Variants in ABCA13 observed in about 807,000 individuals in gnomAD.
ABCA13 encodes ATP-binding cassette sub-family A member 13.
Under a neutral mutation model 478.7 loss-of-function variants are expected in ABCA13, and 476 were observed. The ratio of observed to expected loss-of-function variants is 0.99; its 90% CI spans 0.92 to 1.07. ABCA13 has a LOEUF of 1.07. Among genes scored for constraint, ABCA13 ranks in the 50% least tolerant of loss-of-function variants. ABCA13 has a pLI of 0.00. For missense variants in ABCA13, 6,060 were observed against 5,910.6 expected (o/e 1.03, Z -0.83); for synonymous variants, 2,252 against 2,158.9 (o/e 1.04, Z -1.20).
chr7:48,220,743 A>G (rs1434175169), intron 4 of ABCA13, among the ~76,000 whole-genome samples: 2 of 152,188 alleles, frequency 1.3e-5, no homozygotes, highest in East Asian at 3.8e-4. Context: ...TTCTACTTTT[A>G]TAAAATTTGA....
At chr7:48,332,490 C>T (rs1805570023) in intron 27 of ABCA13, among the ~76,000 whole-genome samples, 1 of 152,166 alleles carries the variant, frequency 6.6e-6, no homozygotes, top group Non-Finnish European at 1.5e-5. Flanking sequence ...ATCATCTTGA[C>T]TATCAGAAGG....
At chr7:48,552,018 A>G (rs1232538547) in intron 55 of ABCA13, among the ~76,000 whole-genome samples, 1 of 151,884 alleles carries the variant, frequency 6.6e-6, no homozygotes, top group East Asian at 1.9e-4. Flanking sequence ...AACAAAACCC[A>G]TTAAACTCCT....
Position 48,291,290 on chromosome 7 carries a change from G to A in ABCA13, c.8955+3212G>A, listed in dbSNP as rs187164036. Among the ~76,000 whole-genome samples the A allele has an allele frequency of 2.8e-4, 43 of 152,298 alleles. No homozygotes were observed. In the East Asian group the frequency reaches 5.4e-3, roughly 19 times the overall value. ...TCTGTACCCTTGAGCCCTGTCACAC[G>A]TTAGAAAATGGAGACGGGCTTGAGC... On this transcript the variant is annotated intron_variant, in intron 20 of 61. Transcript: ENST00000435803.
At chr7:48,186,845 G>A (rs1796413553) in intron 1 of ABCA13, among the ~76,000 whole-genome samples, 1 of 151,932 alleles carries the variant, frequency 6.6e-6, no homozygotes, top group Admixed American at 6.6e-5. Flanking sequence ...GCATACTACT[G>A]AAAGCAGAAG....
intron 59 of ABCA13, among the ~76,000 whole-genome samples, chr7:48,641,767 G>C (rs558242487): frequency 1.3e-5 from 2 of 152,236 alleles, no homozygotes; most frequent in East Asian, 1.9e-4. Context: ...CAGTGACATG[G>C]TGCTTCACCT....
rs1312975170 is a variant in ABCA13, at chr7:48,273,106, C to T, written c.3440C>T (p.Thr1147Ile). Residue 1147 changes from threonine to isoleucine, a missense_variant, in exon 17 of 62, where the codon ACC becomes ATC. This residue lies in a region of ABCA13 where 4,423 missense variants were observed against 4,309.1 expected (regional missense o/e 1.03). Transcript: ENST00000435803. ...VFNKFMSIHCTVSWLQMWTEI... is the reference protein window; with the variant it reads ...VFNKFMSIHCIVSWLQMWTEI... ...AACAAGTTTATGTCCATTCACTGTACCGTTTCATGGCTTCAAATGTGGACT... is the reference window on the plus strand; with the variant it reads ...AACAAGTTTATGTCCATTCACTGTATCGTTTCATGGCTTCAAATGTGGACT... 6.2e-7 allele frequency: 1 copy of T among 1,613,644 alleles called. No individual in the cohort carries two copies.
At chr7:48,220,063 T>C (rs892190934) in intron 4 of ABCA13, among the ~76,000 whole-genome samples, 3 of 152,146 alleles carry the variant, frequency 2.0e-5, no homozygotes, top group African/African-American at 7.2e-5. Context: ...GGTGGATTAT[T>C]CCCTAAACAA....
At chr7:48,414,618 A>T (rs1401009190) in intron 41 of ABCA13, among the ~76,000 whole-genome samples, 1 of 150,840 alleles carries the variant, frequency 6.6e-6, no homozygotes, top group Non-Finnish European at 1.5e-5. Context: ...ATTACATGTA[A>T]TAATACATAG....
intron 55 of ABCA13, among the ~76,000 whole-genome samples, chr7:48,554,411 G>A (rs1250346535): frequency 6.6e-6 from 1 of 151,790 alleles, no homozygotes; most frequent in African/African-American, 2.4e-5. Flanking sequence ...AGATTGTTTT[G>A]GGAAATATGG....
intron 41 of ABCA13, among the ~76,000 whole-genome samples, chr7:48,425,801 C>CTCACT (rs1285548674): frequency 6.6e-6 from 1 of 151,908 alleles, no homozygotes; most frequent in Non-Finnish European, 1.5e-5. Flanking sequence ...AGTGCAGTGG[C>CTCACT]GCAATCTCGG....
chr7:48,381,632 TAA>T (rs1465642111), intron 35 of ABCA13, among the ~76,000 whole-genome samples: 1 of 152,196 alleles, frequency 6.6e-6, no homozygotes, highest in South Asian at 2.1e-4. Flanking sequence ...TTTCATTGCA[TAA>T]ACTCTTTTTA....
intron 1 of ABCA13, among the ~76,000 whole-genome samples, chr7:48,188,565 T>C (rs1337343997): frequency 6.6e-6 from 1 of 150,728 alleles, no homozygotes; most frequent in Non-Finnish European, 1.5e-5. Context: ...CTTTTTTTTC[T>C]TTTTTTTTAC....
At chr7:48,601,841 A>G (rs951846122) in intron 58 of ABCA13, among the ~76,000 whole-genome samples, 1 of 152,220 alleles carries the variant, frequency 6.6e-6, no homozygotes, top group Non-Finnish European at 1.5e-5. Flanking sequence ...TCCCACCCAC[A>G]GTGCAAAAGT....
At chr7:48,384,777 A>T (rs1814922034) in intron 35 of ABCA13, among the ~76,000 whole-genome samples, 1 of 152,172 alleles carries the variant, frequency 6.6e-6, no homozygotes, top group Non-Finnish European at 1.5e-5. Context: ...ACAATCCTGG[A>T]GGCTAAAAGT....
intron 43 of ABCA13, among the ~76,000 whole-genome samples, chr7:48,456,117 G>T (rs1825647515): frequency 6.6e-6 from 1 of 152,226 alleles, no homozygotes; most frequent in Non-Finnish European, 1.5e-5. Flanking sequence ...GGAGACAAAT[G>T]ACTGGAACTC....
At chr7:48,496,132 C>A (rs1263904042) in intron 48 of ABCA13, among the ~76,000 whole-genome samples, 1 of 152,052 alleles carries the variant, frequency 6.6e-6, no homozygotes, top group African/African-American at 2.4e-5. Context: ...GTAAGTCTGA[C>A]ATTATCATTT....
rs1000123741 is a variant in ABCA13, at chr7:48,272,992, C to T, written c.3326C>T (p.Ser1109Phe). Residue 1109 changes from serine (S) to phenylalanine (F), a missense_variant, in exon 17 of 62, where the codon TCC (serine) becomes TTC (phenylalanine). Transcript: ENST00000435803. ...ATTTCGGACAATAAACACATTTCTT[C>T]CGTAAATTATTCAACAAGTGAGGAG... ...CLISDNKHIS[S>F]VNYSTSEESS... 6.2e-7 allele frequency: 1 copy of T among 1,613,576 alleles called. No individual in the cohort carries two copies. Among genetic ancestry groups the T allele is most frequent in the African/African-American group, 1.3e-5 (1 of 75,026 alleles).
At chr7:48,314,115 T>C in intron 25 of ABCA13, 117 bp from the exon 26 acceptor site, 1 of 1,180,244 alleles carries the variant, frequency 8.5e-7, no homozygotes, top group Non-Finnish European at 1.2e-6. Context: ...TTCCATTCTT[T>C]TGACTTGTTG....
chr7:48,477,460 A>G (rs1482484445), intron 45 of ABCA13, among the ~76,000 whole-genome samples: 1 of 151,570 alleles, frequency 6.6e-6, no homozygotes, highest in Non-Finnish European at 1.5e-5. Context: ...TTGCAGCACT[A>G]TTCACAATAG....
Sources: allele counts gnomAD v4.1 joint callset (sites outside exome capture counted in the v4.1 genomes callset), GRCh38; gene constraint gnomAD v4.1.1; regional missense constraint gnomAD v4.1.1; transcripts MANE v1.5; gene names NCBI Gene and HGNC (gene_info 2026-07-23, HGNC 2026-07-21).